Variants in TENM2 observed in about 807,000 individuals in gnomAD.
TENM2 encodes the protein teneurin-2.
A neutral mutation model predicts 245.2 loss-of-function variants in TENM2; 52 were observed. The ratio of observed to expected loss-of-function variants is 0.21; its 90% CI spans 0.17 to 0.27. The LOEUF (loss-of-function observed/expected upper bound fraction) is 0.27, where lower values mean the gene tolerates loss of function less well. Ranked by LOEUF, TENM2 falls within the 10% of genes least tolerant of loss-of-function variation. The probability of loss-of-function intolerance (pLI) is 1.00; values close to 1 mark genes in which losing one functional copy is unlikely to be tolerated. For synonymous variants in TENM2, 1,363 were observed against 1,438.9 expected, an observed-to-expected ratio of 0.95 and a Z score of 1.19; for missense variants, 3,046 against 3,666.8, an observed-to-expected ratio of 0.83 and a Z score of 4.37.
At chr5:167,299,252 G>T (rs549025076) in intron 1 of TENM2, among the ~76,000 whole-genome samples, 16 of 152,172 alleles carry the variant, frequency 1.1e-4, no homozygotes, top group Non-Finnish European at 1.9e-4. Flanking sequence ...AGGCTGGTCT[G>T]TTAACAGACT....
the TENM2 span, among the ~76,000 whole-genome samples, chr5:167,087,845 A>T: frequency 6.6e-6 from 1 of 151,176 alleles, no homozygotes; most frequent in African/African-American, 2.4e-5. Flanking sequence ...GCTGGAGTGC[A>T]GTGGCACAAT....
At chr5:167,632,106 G>A (rs1324213370) in intron 2 of TENM2, among the ~76,000 whole-genome samples, 1 of 152,134 alleles carries the variant, frequency 6.6e-6, no homozygotes, top group Admixed American at 6.5e-5. Flanking sequence ...CAGCAATCCT[G>A]TGGGGGTTTT....
chr5:167,741,282 G>C (rs60893801), intron 2 of TENM2, among the ~76,000 whole-genome samples: 1 of 152,080 alleles, frequency 6.6e-6, no homozygotes, highest in Admixed American at 6.6e-5. Context: ...ATCCTTAACT[G>C]TGCCTGTCCC....
At chr5:167,741,504 C>G (rs1361188580) in intron 2 of TENM2, among the ~76,000 whole-genome samples, 4 of 152,176 alleles carry the variant, frequency 2.6e-5, no homozygotes, top group Admixed American at 2.6e-4. Flanking sequence ...GCAATGTCTG[C>G]AGCAAGTCTG....
At chr5:167,423,146 T>A (rs948401300) in intron 2 of TENM2, among the ~76,000 whole-genome samples, 8 of 152,152 alleles carry the variant, frequency 5.3e-5, no homozygotes, top group African/African-American at 1.9e-4. Flanking sequence ...CCCATTCTAT[T>A]TTTTCATTTT....
chr5:167,723,792 C>G (rs1198127244), intron 2 of TENM2, among the ~76,000 whole-genome samples: 3 of 152,166 alleles, frequency 2.0e-5, no homozygotes, highest in Non-Finnish European at 4.4e-5. Context: ...AGTAGGTGCT[C>G]AAGTAAATAT....
At chr5:167,634,810 CT>C (rs1283076781) in intron 2 of TENM2, among the ~76,000 whole-genome samples, 2 of 152,138 alleles carry the variant, frequency 1.3e-5, no homozygotes, top group African/African-American at 2.4e-5. Context: ...CTTTTCTTTA[CT>C]TTTTTTATGG....
chr5:167,012,203 C>G, the TENM2 span, among the ~76,000 whole-genome samples: 1 of 152,188 alleles, frequency 6.6e-6, no homozygotes, highest in African/African-American at 2.4e-5. Context: ...ATGACTATAA[C>G]TTCCAAGTAT....
chr5:167,336,138 T>A (rs1169084378), intron 1 of TENM2, among the ~76,000 whole-genome samples: 3 of 151,864 alleles, frequency 2.0e-5, no homozygotes, highest in Non-Finnish European at 2.9e-5. Context: ...TTTACAAAAA[T>A]TCATCCATTG....
intron 2 of TENM2, among the ~76,000 whole-genome samples, chr5:167,818,838 G>C (rs1157242658): frequency 6.6e-5 from 10 of 152,158 alleles, no homozygotes; most frequent in Admixed American, 4.6e-4. Context: ...GAATTCCTTA[G>C]TGGGGAGGAT....
intron 9 of TENM2, among the ~76,000 whole-genome samples, chr5:168,107,725 G>GT (rs1794368074): frequency 6.6e-6 from 1 of 152,206 alleles, no homozygotes; most frequent in Non-Finnish European, 1.5e-5. Flanking sequence ...CTCATAAAGT[G>GT]TGAGGCCCTG....
chr5:167,929,109 GAAAGAAAGAAAGAAAGAAAGAAAAGAAA>G (rs1778062348), intron 3 of TENM2, among the ~76,000 whole-genome samples: 2 of 80,914 alleles, frequency 2.5e-5, no homozygotes, highest in African/African-American at 1.0e-4. Context: ...AAGAAAGAAA[GAAAGAAAGAAAGAAAGAAAGAAAAGAAA>G]GAAGGGAGGG....
At position 168,244,654 on chromosome 5, in the gene TENM2, G is replaced by A; in HGVS notation, c.5755G>A (p.Gly1919Ser). Residue 1919 changes from glycine to serine, a missense_variant, in exon 26 of 29, where the codon GGC (glycine) becomes AGC (serine). By Grantham distance (56) the Gly-to-Ser change is moderately conservative. This residue lies in a region of TENM2 where 2,704 missense variants were observed against 3,331.9 expected (regional missense o/e 0.81). Coordinates refer to ENST00000518659, the Ensembl canonical transcript of TENM2. The surrounding 1 kb of genome is among the most constrained non-coding windows in gnomAD (Gnocchi z 4.9). ...CGAGAGGACAGACATCGACAAGCAA[G>A]GCCGCATCGTGTCCCGCATGTTCGC... The A allele has an allele frequency of 6.5e-7, 1 of 1,548,892 alleles. No individual in the cohort carries two copies. The highest frequency in any genetic ancestry group is 1.2e-5 in the South Asian group (1 of 82,696).
intron 5 of TENM2, among the ~76,000 whole-genome samples, chr5:168,036,659 T>TA (rs1432123784): frequency 1.0e-4 from 13 of 129,510 alleles, no homozygotes; most frequent in East Asian, 8.2e-4. Context: ...TATATATATA[T>TA]ATATAATATA....
At chr5:168,164,064 G>C (rs1235943390) in intron 13 of TENM2, among the ~76,000 whole-genome samples, 1 of 152,168 alleles carries the variant, frequency 6.6e-6, no homozygotes, top group Non-Finnish European at 1.5e-5. Context: ...CCCAGGAAAG[G>C]CCTAGGCAAG....
chr5:167,691,179 T>C (rs1339421289), intron 2 of TENM2, among the ~76,000 whole-genome samples: 2 of 152,124 alleles, frequency 1.3e-5, no homozygotes, highest in African/African-American at 2.4e-5. Context: ...TGGAAAAACA[T>C]GACTTATATA....
chr5:167,469,572 T>C (rs934789487), intron 2 of TENM2, among the ~76,000 whole-genome samples: 4 of 152,164 alleles, frequency 2.6e-5, no homozygotes, highest in Non-Finnish European at 4.4e-5. Context: ...TTAAAGTGCT[T>C]ATGAAGTTTA....
chr5:168,162,815 G>A, intron 13 of TENM2, 58 bp downstream of exon 15: 2 of 1,577,026 alleles, frequency 1.3e-6, no homozygotes, highest in South Asian at 1.1e-5. Context: ...CCATGCTTTT[G>A]TCATAAGTCA....
chr5:167,041,672 G>T, the TENM2 span, among the ~76,000 whole-genome samples: 1 of 152,112 alleles, frequency 6.6e-6, no homozygotes, highest in African/African-American at 2.4e-5. Flanking sequence ...ATGCATTTAT[G>T]ATTTTGTATT....
Sources: allele counts gnomAD v4.1 joint callset (sites outside exome capture counted in the v4.1 genomes callset), GRCh38; gene constraint gnomAD v4.1.1; regional missense constraint gnomAD v4.1.1; non-coding constraint Gnocchi (gnomAD v3.1); transcripts MANE v1.5; gene names NCBI Gene and HGNC (gene_info 2026-07-23, HGNC 2026-07-21).